CADM2: variants seen among roughly 807,000 people sequenced by gnomAD.
CADM2 encodes the protein immunoglobulin superfamily member 4D.
In CADM2, 12 loss-of-function variants were observed where a neutral mutation model predicts 49.8. The ratio of observed to expected loss-of-function variants is 0.24; its 90% CI spans 0.15 to 0.39. The LOEUF is 0.39. CADM2 is among the 10% of genes least tolerant of loss of function. The pLI is 1.00. For missense variants in CADM2, 378 were observed against 492.3 expected (o/e 0.77, Z 2.20); for synonymous variants, 214 against 175.4 (o/e 1.22, Z -1.74).
intron 1 of CADM2, among the ~76,000 whole-genome samples, chr3:85,301,202 G>T (rs2044091598): frequency 6.6e-6 from 1 of 152,036 alleles, no homozygotes; most frequent in South Asian, 2.1e-4. Context: ...CCTCAGACTG[G>T]GAGCTGATGC....
At chr3:85,766,794 A>G in intron 2 of CADM2, among the ~76,000 whole-genome samples, 1 of 152,158 alleles carries the variant, frequency 6.6e-6, no homozygotes, top group Admixed American at 6.6e-5. Flanking sequence ...GAATAGCAGG[A>G]GAAAGTAAAT....
intron 1 of CADM2, among the ~76,000 whole-genome samples, chr3:85,292,330 A>G (rs1296155280): frequency 1.3e-5 from 2 of 150,976 alleles, no homozygotes; most frequent in Admixed American, 6.6e-5. Context: ...ACTCCCACAC[A>G]TTAATAGTGG....
At chr3:85,634,620 C>T in intron 1 of CADM2, among the ~76,000 whole-genome samples, 1 of 151,914 alleles carries the variant, frequency 6.6e-6, no homozygotes, top group African/African-American at 2.4e-5. Flanking sequence ...TCATTGTTTC[C>T]TAAAAATAAT....
At chr3:85,939,824 G>A (rs1721641804) in intron 7 of CADM2, among the ~76,000 whole-genome samples, 1 of 145,876 alleles carries the variant, frequency 6.9e-6, no homozygotes, top group East Asian at 2.0e-4. Context: ...TAATTGCACA[G>A]CACATAACAT....
rs562570278 is a variant in CADM2, at chr3:85,145,550, T to A, written c.61+185882T>A. ...ACTGGCTTTTCAGGATTATCATAAC[T>A]TTTGAAAAACTGTAAGGTAGGTGAT... On this transcript the variant is annotated intron_variant, in intron 1 of 9. Coordinates refer to ENST00000383699, the MANE Select transcript of CADM2 (RefSeq NM_001167675.2). 4.6e-5 allele frequency among the ~76,000 whole-genome samples: 7 copies of A among 152,150 alleles called. No individual in the cohort carries two copies. In the South Asian group the frequency reaches 1.2e-3, roughly 27 times the overall value.
intron 1 of CADM2, among the ~76,000 whole-genome samples, chr3:85,361,148 T>A (rs2032328858): frequency 6.6e-6 from 1 of 152,176 alleles, no homozygotes; most frequent in African/African-American, 2.4e-5. Flanking sequence ...CACATTAAAA[T>A]TTTAAAGGGT....
chr3:86,066,787 G>A lies in CADM2; in HGVS notation c.*4G>A. Reference sequence around the variant, plus strand: ...GAAAAAAGAGTATTTCATTTAAGATGCAGGCCAAGATTCTGAGTTTTACTA... The same window carrying A: ...GAAAAAAGAGTATTTCATTTAAGATACAGGCCAAGATTCTGAGTTTTACTA... On this transcript the variant is annotated 3_prime_UTR_variant, in exon 10 of 10. Transcript: ENST00000383699. 1 of 1,585,554 alleles carries A rather than the reference G, an allele frequency of 6.3e-7. No individual in the cohort carries two copies. Among genetic ancestry groups the A allele is most frequent in the Non-Finnish European group, 8.7e-7 (1 of 1,154,194 alleles).
intron 5 of CADM2, among the ~76,000 whole-genome samples, chr3:85,898,192 T>C (rs1282629754): frequency 1.3e-5 from 2 of 152,194 alleles, no homozygotes; most frequent in Admixed American, 1.3e-4. Context: ...ATAATGATTG[T>C]TCCAGGTGTA....
chr3:85,608,178 T>C (rs936897601), intron 1 of CADM2, among the ~76,000 whole-genome samples: 1 of 152,198 alleles, frequency 6.6e-6, no homozygotes, highest in African/African-American at 2.4e-5. Context: ...CTTAATTTAT[T>C]AGTTGCCTAA....
At chr3:85,698,707 A>G (rs2066649694) in intron 1 of CADM2, among the ~76,000 whole-genome samples, 2 of 152,160 alleles carry the variant, frequency 1.3e-5, no homozygotes, top group Non-Finnish European at 2.9e-5. Context: ...CCGTGATCCC[A>G]TCACCTCCTA....
intron 1 of CADM2, among the ~76,000 whole-genome samples, chr3:85,060,413 C>T (rs183548974): frequency 1.4e-3 from 213 of 152,274 alleles, no homozygotes; most frequent in African/African-American, 4.5e-3. Context: ...AGGTGTGAGC[C>T]ATCACTCTCA....
chr3:86,021,930 A>G lies in CADM2; in HGVS notation c.971-43675A>G, dbSNP rs1733245515. Among the ~76,000 whole-genome samples, 4 of 152,252 alleles carry G rather than the reference A, an allele frequency of 2.6e-5. No individual in the cohort carries two copies. In the South Asian group the frequency reaches 8.3e-4, roughly 32 times the overall value. On this transcript the variant is annotated intron_variant, in intron 8 of 9. Transcript: ENST00000383699. ...ACACAACATGAGAACTATAGGCAAT[A>G]TACCTGTAATGTATATGGGATTCAT...
At chr3:85,927,349 C>T (rs1720003477) in intron 6 of CADM2, among the ~76,000 whole-genome samples, 1 of 152,070 alleles carries the variant, frequency 6.6e-6, no homozygotes, top group East Asian at 1.9e-4. Context: ...AAGCATGCAT[C>T]CTAGGAATAT....
intron 3 of CADM2, among the ~76,000 whole-genome samples, chr3:85,806,792 A>C (rs1457796692): frequency 6.6e-6 from 1 of 152,030 alleles, no homozygotes; most frequent in Non-Finnish European, 1.5e-5. Flanking sequence ...ATATTCGGGA[A>C]TCTCTTCCCC....
At chr3:85,385,703 C>G (rs1298003134) in intron 1 of CADM2, 1 of 150,148 alleles carries the variant, frequency 6.7e-6, no homozygotes, top group Non-Finnish European at 1.5e-5. Flanking sequence ...CCGAAAATAC[C>G]CTTTGAGAAA....
At chr3:85,943,084 A>G (rs1376521123) in intron 7 of CADM2, among the ~76,000 whole-genome samples, 1 of 152,144 alleles carries the variant, frequency 6.6e-6, no homozygotes, top group Non-Finnish European at 1.5e-5. Flanking sequence ...TCTGATGGCC[A>G]GTGAAGATGA....
intron 8 of CADM2, among the ~76,000 whole-genome samples, chr3:86,019,891 C>T (rs543132973): frequency 1.3e-5 from 2 of 151,958 alleles, no homozygotes; most frequent in Admixed American, 1.3e-4. Flanking sequence ...GCCTAATTGC[C>T]CTGGCCAAAA....
chr3:85,149,654 G>A (rs920176908), intron 1 of CADM2, among the ~76,000 whole-genome samples: 19 of 152,308 alleles, frequency 1.2e-4, no homozygotes, highest in East Asian at 3.9e-4. Context: ...GGAGAAAGGC[G>A]TGGTGGAGCT....
chr3:85,242,451 T>C (rs77548471), intron 1 of CADM2, among the ~76,000 whole-genome samples: 1 of 151,032 alleles, frequency 6.6e-6, no homozygotes, highest in Non-Finnish European at 1.5e-5. Context: ...TAGGAAAATG[T>C]TTTTTTACTG....
Sources: allele counts gnomAD v4.1 joint callset (sites outside exome capture counted in the v4.1 genomes callset), GRCh38; gene constraint gnomAD v4.1.1; transcripts MANE v1.5; gene names NCBI Gene and HGNC (gene_info 2026-07-23, HGNC 2026-07-21).